CEP128: variants seen among roughly 807,000 people sequenced by gnomAD.
CEP128 encodes centrosomal protein 128.
In CEP128, 132 loss-of-function variants were observed where a neutral mutation model predicts 156.7. The ratio of observed to expected loss-of-function variants is 0.84; its 90% CI spans 0.73 to 0.97. CEP128 has a LOEUF of 0.97. Ranked by LOEUF, CEP128 falls within the 50% of genes least tolerant of loss-of-function variation. The pLI is 0.00. For missense variants in CEP128, 1,252 were observed against 1,281.9 expected, an observed-to-expected ratio of 0.98 and a Z score of 0.36; for synonymous variants, 469 against 448.9, an observed-to-expected ratio of 1.04 and a Z score of -0.57.
Position 80,552,033 on chromosome 14 carries a change from GTTGT to G in CEP128, c.2880+7242_2880+7245del, listed in dbSNP as rs536705914. On this transcript the variant is annotated intron_variant, in intron 21 of 24. Transcript: ENST00000555265. ...TAGTCCTGTTTTTGTTGTTGTTGTTGTTGTTTGTTTGTTTTTTAAATAAAGTGGG... is the reference window on the plus strand; with the variant it reads ...TAGTCCTGTTTTTGTTGTTGTTGTTGTTGTTTGTTTTTTAAATAAAGTGGG... Among the ~76,000 whole-genome samples the G allele has an allele frequency of 3.9e-5, 6 of 151,996 alleles. No individual in the cohort carries two copies. In the East Asian group the frequency reaches 5.8e-4, roughly 15 times the overall value.
intron 16 of CEP128, among the ~76,000 whole-genome samples, chr14:80,776,560 T>C (rs972154952): frequency 1.3e-5 from 2 of 148,296 alleles, no homozygotes; most frequent in Admixed American, 1.3e-4. Flanking sequence ...TTATTATATA[T>C]ATTAATAGTA....
chr14:80,633,373 CT>C (rs1446120861), intron 19 of CEP128, among the ~76,000 whole-genome samples: 1 of 152,172 alleles, frequency 6.6e-6, no homozygotes, highest in Non-Finnish European at 1.5e-5. Flanking sequence ...TATCTCTGTC[CT>C]GCTTAAAGCA....
At chr14:80,544,110 T>C (rs1316408757) in intron 21 of CEP128, among the ~76,000 whole-genome samples, 3 of 152,156 alleles carry the variant, frequency 2.0e-5, no homozygotes, top group Non-Finnish European at 2.9e-5. Flanking sequence ...CTATACCAGA[T>C]TTTATTCTGC....
At chr14:80,849,352 C>T (rs866538029) in intron 9 of CEP128, among the ~76,000 whole-genome samples, 1 of 152,288 alleles carries the variant, frequency 6.6e-6, no homozygotes, top group South Asian at 2.1e-4. Flanking sequence ...GACCCAAGTT[C>T]GCCCACACTT....
chr14:80,698,778 A>T (rs1027077276), intron 19 of CEP128, among the ~76,000 whole-genome samples: 15 of 151,934 alleles, frequency 9.9e-5, no homozygotes, highest in Non-Finnish European at 1.5e-4. Context: ...CCCCATTCTT[A>T]AAAAAAAGTA....
intron 19 of CEP128, among the ~76,000 whole-genome samples, chr14:80,608,128 C>T (rs1006504111): frequency 2.6e-5 from 4 of 152,196 alleles, no homozygotes; most frequent in Non-Finnish European, 5.9e-5. Flanking sequence ...TGATCTAAAA[C>T]GATGTAAAGT....
intron 9 of CEP128, among the ~76,000 whole-genome samples, chr14:80,842,283 T>C (rs1348332856): frequency 6.6e-6 from 1 of 152,070 alleles, no homozygotes; most frequent in African/African-American, 2.4e-5. Context: ...AATAGTGAGA[T>C]ACTAAGGAAC....
intron 2 of CEP128, among the ~76,000 whole-genome samples, chr14:80,935,924 T>C (rs924960840): frequency 1.3e-5 from 2 of 152,044 alleles, no homozygotes; most frequent in Admixed American, 6.6e-5. Context: ...GGAAACAACT[T>C]CCAAAAGTTA....
intron 19 of CEP128, among the ~76,000 whole-genome samples, chr14:80,678,987 G>A (rs936376306): frequency 6.6e-6 from 1 of 152,082 alleles, no homozygotes; most frequent in African/African-American, 2.4e-5. Context: ...TGCCATCTCT[G>A]AACATAAATT....
rs1223640049 is a variant in CEP128, at chr14:80,873,990, T to G, written c.646-11117A>C. On this transcript the variant is annotated intron_variant, in intron 8 of 24. Transcript: ENST00000555265. ...CATGATTGTGAGGCCTCCCCAGCCA[T>G]GTGGAACTGTAAGTCCATTAAACCT... 3.9e-5 allele frequency among the ~76,000 whole-genome samples: 6 copies of G among 152,304 alleles called. No individual in the cohort carries two copies. The East Asian group carries it at 9.6e-4, about 24-fold the overall frequency.
At chr14:80,492,132 T>C (rs1189505647), downstream of CEP128, among the ~76,000 whole-genome samples, 2 of 152,164 alleles carry the variant, frequency 1.3e-5, no homozygotes, top group African/African-American at 2.4e-5. Flanking sequence ...TATTTGAAAT[T>C]GAAATTTTAA....
intron 20 of CEP128, among the ~76,000 whole-genome samples, chr14:80,574,632 A>G (rs962651042): frequency 3.3e-5 from 5 of 152,222 alleles, no homozygotes; most frequent in Non-Finnish European, 7.4e-5. Flanking sequence ...GGCATTCTTT[A>G]TATTATAACA....
At chr14:80,713,692 T>C (rs1566872253) in intron 19 of CEP128, among the ~76,000 whole-genome samples, 1 of 152,228 alleles carries the variant, frequency 6.6e-6, no homozygotes. Context: ...AGTAGATTGA[T>C]TGTTGTGTAT....
chr14:80,845,957 A>C (rs1000303685), intron 9 of CEP128, among the ~76,000 whole-genome samples: 1 of 152,194 alleles, frequency 6.6e-6, no homozygotes, highest in African/African-American at 2.4e-5. Context: ...TCCTGCACAC[A>C]GAAAATCTCA....
chr14:80,944,851 A>C (rs1407741965), upstream of CEP128, among the ~76,000 whole-genome samples: 531 of 106,172 alleles, frequency 5.0e-3, 4 homozygotes, highest in African/African-American at 0.016. Flanking sequence ...AAAAAAAAAA[A>C]AAAAAACAGA....
intron 1 of CEP128, among the ~76,000 whole-genome samples, chr14:80,940,675 C>CTCA (rs1886100614): frequency 2.6e-3 from 155 of 59,302 alleles, no homozygotes; most frequent in Middle Eastern, 8.8e-3. Flanking sequence ...CCAGACTCCT[C>CTCA]AAAAAAAAAA....
intron 23 of CEP128, among the ~76,000 whole-genome samples, chr14:80,506,032 T>G (rs1887956428): frequency 6.6e-6 from 1 of 152,202 alleles, no homozygotes; most frequent in African/African-American, 2.4e-5. Flanking sequence ...GAACCAAGTT[T>G]AGATTTAGGA....
At chr14:80,695,161 G>C (rs1896848954) in intron 19 of CEP128, among the ~76,000 whole-genome samples, 1 of 151,354 alleles carries the variant, frequency 6.6e-6, no homozygotes, top group African/African-American at 2.4e-5. Context: ...TGAAAAAGAA[G>C]TTGCCCATCA....
intron 14 of CEP128, among the ~76,000 whole-genome samples, chr14:80,785,879 G>T (rs971632070): frequency 1.1e-4 from 17 of 152,020 alleles, no homozygotes; most frequent in African/African-American, 3.9e-4. Context: ...TCATTATAAA[G>T]AAAACTTACT....
Sources: allele counts gnomAD v4.1 joint callset (sites outside exome capture counted in the v4.1 genomes callset), GRCh38; gene constraint gnomAD v4.1.1; transcripts MANE v1.5; gene names NCBI Gene and HGNC (gene_info 2026-07-23, HGNC 2026-07-21).